The following DNAI4 variants were observed in gnomAD, a reference collection of about 807,000 sequenced individuals.
DNAI4 encodes WD repeat domain 78.
A neutral mutation model predicts 105.8 loss-of-function variants in DNAI4; 85 were observed. The ratio of observed to expected loss-of-function variants is 0.80; its 90% CI spans 0.67 to 0.96. The LOEUF (loss-of-function observed/expected upper bound fraction) is 0.96, where lower values mean the gene tolerates loss of function less well. Ranked by LOEUF, DNAI4 falls within the 40% of genes least tolerant of loss-of-function variation. The pLI is 0.00. For missense variants in DNAI4, 1,014 were observed against 1,005.6 expected, an observed-to-expected ratio of 1.01 and a Z score of -0.11; for synonymous variants, 352 against 331.5, an observed-to-expected ratio of 1.06 and a Z score of -0.67.
At chr1:66,835,311 T>C (rs1045949719) in intron 11 of DNAI4, among the ~76,000 whole-genome samples, 1 of 152,188 alleles carries the variant, frequency 6.6e-6, no homozygotes, top group Non-Finnish European at 1.5e-5. Context: ...GATAAAGGTA[T>C]GTATAGGTTG....
chr1:66,821,431 AT>A (rs995293707), intron 16 of DNAI4, among the ~76,000 whole-genome samples: 64 of 152,238 alleles, frequency 4.2e-4, no homozygotes, highest in African/African-American at 1.5e-3. Context: ...CTTGATTCAG[AT>A]TGTCAAATTG....
chr1:66,870,503 C>A (rs1199576250), intron 6 of DNAI4, among the ~76,000 whole-genome samples: 1 of 149,578 alleles, frequency 6.7e-6, no homozygotes, highest in Non-Finnish European at 1.5e-5. Flanking sequence ...GTAATCCCAG[C>A]ACTTTGGGAG....
chr1:66,840,654 G>A lies in DNAI4; in HGVS notation c.1309C>T (p.Pro437Ser). 1.1e-5 allele frequency: 17 copies of A among 1,613,930 alleles called. No individual in the cohort carries two copies. The highest frequency in any genetic ancestry group is 1.4e-5 in the Non-Finnish European group (17 of 1,179,964). Residue 437 changes from proline to serine, a missense_variant, in exon 9 of 17, where the codon CCT becomes TCT. By Grantham distance (74) the Pro-to-Ser change is moderately conservative. Transcript: ENST00000371026. ...PVLKEPEPEEPEDVLESAKHE... is the reference protein window; with the variant it reads ...PVLKEPEPEESEDVLESAKHE... ...TTTGCACTTTCTAAAACATCTTCAG[G>A]CTCTTCAGGTTCAGGTTCTAAAGTT...
rs1225267423 is a variant in DNAI4, at chr1:66,924,661, C to A, written c.170+1G>T. 1.9e-6 allele frequency: 3 copies of A among 1,614,126 alleles called. No homozygotes were observed. Among genetic ancestry groups the A allele is most frequent in the East Asian group, 2.2e-5 (1 of 44,900 alleles). On this transcript the variant is annotated splice_donor_variant, in intron 1 of 16. Transcript: ENST00000371026. LOFTEE classifies it high-confidence loss of function. Reference sequence around the variant, plus strand: ...CTACGGTTTTTAGCGCCGGAACTTACAACCCGAAGTTCTGCTGCTTGTGAC... The same window carrying A: ...CTACGGTTTTTAGCGCCGGAACTTAAAACCCGAAGTTCTGCTGCTTGTGAC...
chr1:66,919,085 C>G (rs770895479), intron 1 of DNAI4: 31 of 443,422 alleles, frequency 7.0e-5, no homozygotes, highest in Non-Finnish European at 1.4e-4. Flanking sequence ...CAATGTACTT[C>G]TTACATATAT....
At position 66,877,170 on chromosome 1, in the gene DNAI4, A is replaced by G. The variant is rs269404; in HGVS notation, c.644-2233T>C. 8.0e-3 allele frequency among the ~76,000 whole-genome samples: 1,214 copies of G among 152,286 alleles called. 14 individuals carry two copies. The highest frequency in any genetic ancestry group is 0.028 in the African/African-American group (1,167 of 41,554). ...TTCCTTGGCCTCTACTTTAGCTTCA[A>G]TGGGCCCAATACAATTACAGCATAA... On this transcript the variant is annotated intron_variant, in intron 4 of 16. Coordinates refer to ENST00000371026, the MANE Select transcript of DNAI4 (RefSeq NM_024763.5).
At chr1:66,867,267 A>C (rs1029637580) in intron 6 of DNAI4, among the ~76,000 whole-genome samples, 6 of 152,146 alleles carry the variant, frequency 3.9e-5, no homozygotes, top group African/African-American at 1.4e-4. Flanking sequence ...TCTGTCCCCC[A>C]CATTTTAAAA....
Position 66,840,543 on chromosome 1 carries a change from G to A in DNAI4, c.1420C>T (p.Arg474Ter), listed in dbSNP as rs143910870. 49 of 1,614,072 alleles carry A rather than the reference G, an allele frequency of 3.0e-5. No homozygotes were observed. The Admixed American group carries it at 5.2e-4, about 17-fold the overall frequency. ...AAGTCACAGGAAAAAGACCAAAGTC[G>A]TTCCAAGTTGGCGGGTATTGTTGAT... ...EESTIPANLE[R>*]LWSFSCDLTK... is the part of the protein sequence containing the mutation. The change falls in exon 9 of 17, where the codon CGA becomes TGA. Residue 474 changes from arginine to a stop codon, truncating the protein, a stop_gained. Transcript: ENST00000371026. LOFTEE classifies it high-confidence loss of function.
chr1:66,887,885 G>A lies in DNAI4; in HGVS notation c.643+3269C>T, dbSNP rs572284401. Among the ~76,000 whole-genome samples the A allele has an allele frequency of 2.2e-4, 33 of 152,140 alleles. No individual in the cohort carries two copies. In the South Asian group the frequency reaches 6.2e-3, roughly 29 times the overall value. ...GAGGCAGGAGAATGGCCTGAACCCA[G>A]GAAGCAGAGGTTGTAGTGAGCCGAG... On this transcript the variant is annotated intron_variant, in intron 4 of 16. Transcript: ENST00000371026.
chr1:66,922,579 G>A (rs1216535934), intron 1 of DNAI4, among the ~76,000 whole-genome samples: 1 of 152,220 alleles, frequency 6.6e-6, no homozygotes, highest in African/African-American at 2.4e-5. Flanking sequence ...CCTGGAGGGT[G>A]TTGGCAAGGA....
chr1:66,910,480 C>T (rs1331304705), intron 1 of DNAI4, among the ~76,000 whole-genome samples: 3 of 152,148 alleles, frequency 2.0e-5, no homozygotes, highest in Non-Finnish European at 4.4e-5. Flanking sequence ...TTTCCTTTGT[C>T]TGAAATGCTC....
chr1:66,893,063 G>GAGAGAGAAAGAAAGAAAGAAAGAA (rs879150798), intron 3 of DNAI4, among the ~76,000 whole-genome samples, 166 bp downstream of exon 3: 3 of 89,540 alleles, frequency 3.4e-5, no homozygotes, highest in East Asian at 2.8e-4. Context: ...AAGAGAGAGA[G>GAGAGAGAAAGAAAGAAAGAAAGAA]AGAAAGAAAG....
At position 66,822,524 on chromosome 1, in the gene DNAI4, T is replaced by C; in HGVS notation, c.2340-7A>G. On this transcript the variant is annotated splice_region_variant and splice_polypyrimidine_tract_variant and intron_variant, in intron 15 of 16. Transcript: ENST00000371026. ...CACAATCAGAGGGTCCAAACTGTAA[T>C]GAAATATTTTATTTGTAAATTCAAT... is the stretch of plus-strand genomic sequence containing the variant. 8 of 1,565,992 alleles carry C rather than the reference T, an allele frequency of 5.1e-6. No homozygotes were observed. The highest frequency in any genetic ancestry group is 6.9e-6 in the Non-Finnish European group (8 of 1,159,988).
chr1:66,873,852 CTTTTTTTTTTTTT>C (rs749140367), intron 5 of DNAI4, among the ~76,000 whole-genome samples: 8 of 110,224 alleles, frequency 7.3e-5, no homozygotes, highest in African/African-American at 1.2e-4. Flanking sequence ...TCCCTCTTTC[CTTTTTTTTTTTTT>C]TTTTTTTTTT....
rs1222388678 is a variant in DNAI4, at chr1:66,890,854, AGAAGAGGAAGAG to A, written c.643+288_643+299del. 12 of 346,050 alleles carry A rather than the reference AGAAGAGGAAGAG, an allele frequency of 3.5e-5. No homozygotes were observed. Among genetic ancestry groups the A allele is most frequent in the Non-Finnish European group, 4.1e-5 (8 of 192,804 alleles). The allele number at this position is 346,050 out of a possible 1,614,324, so 21.4% of individuals were successfully genotyped here. ...AAGAGGAAGAAAAGGAAGAGGAAGA[AGAAGAGGAAGAG>A]GAAGAAGAAGAAGAAGAAGCAGAAG... is the stretch of plus-strand genomic sequence containing the variant. On this transcript the variant is annotated intron_variant, in intron 4 of 16. Transcript: ENST00000371026. The surrounding 1 kb of genome is among the most constrained non-coding windows in gnomAD (Gnocchi z 4.1).
intron 16 of DNAI4, among the ~76,000 whole-genome samples, chr1:66,816,664 A>G (rs1303402389): frequency 1.3e-5 from 2 of 151,756 alleles, no homozygotes; most frequent in African/African-American, 4.8e-5. Flanking sequence ...TCCAAAAATT[A>G]TATTTATTTA....
intron 2 of DNAI4, among the ~76,000 whole-genome samples, chr1:66,896,615 G>T (rs1422829830): frequency 1.3e-5 from 2 of 152,134 alleles, no homozygotes; most frequent in Admixed American, 1.3e-4. Flanking sequence ...GGATAAATGG[G>T]TTATCAAGGG....
At position 66,836,211 on chromosome 1, in the gene DNAI4, AGAGAG is replaced by A. The variant is rs1557908349; in HGVS notation, c.1582-439_1582-435del. ...AAGAAAGAAAGAAAGAAAGAAAGAG[AGAGAG>A]AGAGAGAGAGAGAGAGAGAAAGAAA... On this transcript the variant is annotated intron_variant, in intron 10 of 16. Coordinates refer to ENST00000371026, the MANE Select transcript of DNAI4 (RefSeq NM_024763.5). 2.6e-3 allele frequency among the ~76,000 whole-genome samples: 179 copies of A among 67,880 alleles called. 1 individual carries two copies. Among genetic ancestry groups the A allele is most frequent in the Non-Finnish European group, 2.5e-3 (76 of 30,576 alleles). The allele number at this position is 67,880 out of a possible 152,430, so 44.5% of individuals were successfully genotyped here.
At chr1:66,907,557 C>T (rs1485469549) in intron 1 of DNAI4, among the ~76,000 whole-genome samples, 2 of 152,152 alleles carry the variant, frequency 1.3e-5, no homozygotes, top group Non-Finnish European at 2.9e-5. Context: ...TATACACTAT[C>T]CCTGAGTAAA....
Sources: allele counts gnomAD v4.1 joint callset (sites outside exome capture counted in the v4.1 genomes callset), GRCh38; gene constraint gnomAD v4.1.1; non-coding constraint Gnocchi (gnomAD v3.1); transcripts MANE v1.5; gene names NCBI Gene and HGNC (gene_info 2026-07-23, HGNC 2026-07-21).